Variants in ASIC2 observed in about 807,000 individuals in gnomAD.
ASIC2 encodes the protein acid sensing ion channel subunit 2.
Under a neutral mutation model 57.3 loss-of-function variants are expected in ASIC2, and 25 were observed. The observed-to-expected ratio is 0.44, with a 90% CI of 0.32 to 0.61. The LOEUF is 0.61. Ranked by LOEUF, ASIC2 falls within the 20% of genes least tolerant of loss-of-function variation. The pLI, the probability that ASIC2 is intolerant of heterozygous loss-of-function variation, is 0.06. For synonymous variants in ASIC2, 319 were observed against 307.5 expected (o/e 1.04, Z -0.39); for missense variants, 641 against 738.1 (o/e 0.87, Z 1.52).
intron 1 of ASIC2, among the ~76,000 whole-genome samples, chr17:33,749,949 T>C (rs989328287): frequency 7.9e-5 from 12 of 152,152 alleles, no homozygotes; most frequent in Admixed American, 7.2e-4. Flanking sequence ...TCTCCCCCCA[T>C]GCCATCTTCT....
chr17:33,427,328 G>A (rs1299119196), intron 1 of ASIC2, among the ~76,000 whole-genome samples: 1 of 152,196 alleles, frequency 6.6e-6, no homozygotes, highest in Non-Finnish European at 1.5e-5. Flanking sequence ...TTTTCATGTT[G>A]CAGAATCTAC....
At chr17:34,012,906 C>T (rs571608349) in intron 1 of ASIC2, among the ~76,000 whole-genome samples, 32 of 152,316 alleles carry the variant, frequency 2.1e-4, no homozygotes, top group African/African-American at 6.7e-4. Flanking sequence ...CACCTAGCAA[C>T]AGTTGCCATG....
At chr17:34,111,321 ATTATG>A (rs1021800611) in intron 1 of ASIC2, among the ~76,000 whole-genome samples, 3 of 148,346 alleles carry the variant, frequency 2.0e-5, no homozygotes, top group Non-Finnish European at 4.5e-5. Flanking sequence ...ATTATATTAT[ATTATG>A]TTATATTATA....
intron 1 of ASIC2, among the ~76,000 whole-genome samples, chr17:33,986,210 T>G (rs1905812669): frequency 6.6e-6 from 1 of 151,968 alleles, no homozygotes; most frequent in African/African-American, 2.4e-5. Context: ...GAATCTGGTT[T>G]TTTTTCCTTG....
At chr17:33,660,383 A>G (rs1322127891) in intron 1 of ASIC2, among the ~76,000 whole-genome samples, 2 of 152,222 alleles carry the variant, frequency 1.3e-5, no homozygotes, top group African/African-American at 2.4e-5. Flanking sequence ...ACTTAGCTTA[A>G]AACACAAACA....
intron 1 of ASIC2, among the ~76,000 whole-genome samples, chr17:33,231,984 C>G (rs943965691): frequency 2.6e-5 from 4 of 152,162 alleles, no homozygotes; most frequent in Non-Finnish European, 5.9e-5. Flanking sequence ...GATACTTGAT[C>G]TGTGCTCTTC....
intron 1 of ASIC2, among the ~76,000 whole-genome samples, chr17:33,458,935 C>T (rs1207443491): frequency 6.6e-6 from 1 of 152,026 alleles, no homozygotes; most frequent in East Asian, 1.9e-4. Context: ...TCCGACTGAA[C>T]CTTCTTGGAG....
intron 1 of ASIC2, among the ~76,000 whole-genome samples, chr17:34,150,672 G>C (rs985017080): frequency 1.2e-4 from 19 of 152,292 alleles, no homozygotes; most frequent in African/African-American, 4.1e-4. Flanking sequence ...AAACCAAAAT[G>C]CTGTTTAGAA....
intron 1 of ASIC2, among the ~76,000 whole-genome samples, chr17:33,814,297 C>T (rs1488692299): frequency 6.6e-6 from 1 of 152,148 alleles, no homozygotes. Context: ...GGCTACTTCC[C>T]GGCATGACTG....
chr17:33,188,503 C>T (rs1906290552), intron 1 of ASIC2, among the ~76,000 whole-genome samples: 1 of 151,978 alleles, frequency 6.6e-6, no homozygotes, highest in African/African-American at 2.4e-5. Context: ...AAAATCACAT[C>T]AAAGCATATC....
At position 33,898,220 on chromosome 17, in the gene ASIC2, CTTTTTTTTTTTT is replaced by C. The variant is rs771624171; in HGVS notation, c.555+257746_555+257757del. On this transcript the variant is annotated intron_variant, in intron 1 of 9. Coordinates refer to the ASIC2 transcript ENST00000359872. ...AAACTGCCCAGAGTTCATGTATAAT[CTTTTTTTTTTTT>C]TTTTTTTTTTTTTTTTTTTTTGAGA... Among the ~76,000 whole-genome samples the C allele has an allele frequency of 7.9e-3, 523 of 66,182 alleles. 8 individuals are homozygous for C. The highest frequency in any genetic ancestry group is 0.011 in the Non-Finnish European group (408 of 36,084). The allele number at this position is 66,182 out of a possible 152,430, so 43.4% of individuals were successfully genotyped here.
chr17:33,255,606 G>A (rs545599237), intron 1 of ASIC2, among the ~76,000 whole-genome samples: 1 of 131,832 alleles, frequency 7.6e-6, no homozygotes. Flanking sequence ...GGGACGGGGG[G>A]GTGGAGGAGT....
intron 1 of ASIC2, among the ~76,000 whole-genome samples, chr17:33,754,567 C>G (rs1029875592): frequency 7.2e-5 from 11 of 152,102 alleles, no homozygotes; most frequent in Non-Finnish European, 1.6e-4. Flanking sequence ...TGCTGTTGTT[C>G]CTTCTCAGCA....
chr17:33,270,264 A>G (rs1597659718), intron 1 of ASIC2, among the ~76,000 whole-genome samples: 2 of 152,328 alleles, frequency 1.3e-5, no homozygotes, highest in East Asian at 3.9e-4. Context: ...TACATTTTGA[A>G]ATGATAAGCC....
At position 33,618,116 on chromosome 17, in the gene ASIC2, T is replaced by C. The variant is rs181619031; in HGVS notation, c.556-506049A>G. On this transcript the variant is annotated intron_variant, in intron 1 of 9. Coordinates refer to the ASIC2 transcript ENST00000359872. ...AACCTAGTTATGGACAACCTAGTTA[T>C]CCATCCCCAGGAATTCAAGCCACTG... 5.9e-5 allele frequency among the ~76,000 whole-genome samples: 9 copies of C among 152,224 alleles called. No individual in the cohort carries two copies. In the East Asian group the frequency reaches 1.8e-3, roughly 30 times the overall value.
chr17:33,951,282 T>C (rs1049609758), intron 1 of ASIC2, among the ~76,000 whole-genome samples: 5 of 152,140 alleles, frequency 3.3e-5, no homozygotes, highest in African/African-American at 7.2e-5. Context: ...TGATTTCCAT[T>C]GTACAGATGA....
At chr17:33,229,294 C>T (rs1166884874) in intron 1 of ASIC2, among the ~76,000 whole-genome samples, 1 of 152,168 alleles carries the variant, frequency 6.6e-6, no homozygotes, top group Non-Finnish European at 1.5e-5. Flanking sequence ...ATCCAGGGTT[C>T]ATTCGTTCAA....
intron 3 of ASIC2, among the ~76,000 whole-genome samples, chr17:33,037,013 A>G (rs972978278): frequency 6.6e-6 from 1 of 152,052 alleles, no homozygotes; most frequent in African/African-American, 2.4e-5. Context: ...ATTGAGCTTA[A>G]TAACTAGGTG....
chr17:34,014,899 T>TG lies in ASIC2; in HGVS notation c.555+141078_555+141079insC, dbSNP rs1906892695. On this transcript the variant is annotated intron_variant, in intron 1 of 9. Coordinates refer to the ASIC2 transcript ENST00000359872. ...CTTGGAAATAATATCGCTGCATTTT[T>TG]TTTTTTTCTGAGTCTTGCTCTGTCA... 2.6e-5 allele frequency among the ~76,000 whole-genome samples: 4 copies of TG among 151,454 alleles called. No homozygotes were observed. The South Asian group carries it at 8.4e-4, about 32-fold the overall frequency.
Sources: gnomAD v4.1 joint callset for allele counts (sites outside exome capture counted in the v4.1 genomes callset) on GRCh38, gnomAD v4.1.1 for gene constraint, MANE v1.5 for transcripts, NCBI Gene and HGNC (gene_info 2026-07-23, HGNC 2026-07-21) for gene names.